The following TOX variants were observed in gnomAD, a reference collection of about 807,000 sequenced individuals.
TOX encodes thymocyte selection-associated high mobility group box protein TOX.
In TOX, 11 loss-of-function variants were observed where a neutral mutation model predicts 53.7. That is an observed-to-expected ratio of 0.20 (90% CI 0.13 to 0.34). The LOEUF (loss-of-function observed/expected upper bound fraction) is 0.34. Ranked by LOEUF, TOX falls within the 10% of genes least tolerant of loss-of-function variation. The pLI is 1.00. For synonymous variants in TOX, 225 were observed against 245.3 expected, an observed-to-expected ratio of 0.92 and a Z score of 0.77; for missense variants, 570 against 664.6, an observed-to-expected ratio of 0.86 and a Z score of 1.56.
At position 58,851,931 on chromosome 8, in the gene TOX, T is replaced by A. The variant is rs1810832609; in HGVS notation, c.412-126A>T. The stretch of plus-strand genomic sequence containing the variant: ...TTTCCAGATGTTCTGCTGAGTTACA[T>A]ACACATTTATTTTATCTGGGGTAAA... On this transcript the variant is annotated intron_variant, in intron 3 of 8. Transcript: ENST00000361421. This position sits in a 1 kb window ranked among gnomAD's most constrained non-coding sequence, Gnocchi z 4.4. 1.2e-6 allele frequency: 1 copy of A among 847,180 alleles called. No individual in the cohort carries two copies. The highest frequency in any genetic ancestry group is 1.5e-6 in the Non-Finnish European group (1 of 652,484). 52.5% of individuals were successfully genotyped at this position (847,180 alleles called of 1,614,324 possible).
intron 1 of TOX, among the ~76,000 whole-genome samples, chr8:59,064,012 AG>A: frequency 6.6e-6 from 1 of 152,264 alleles, no homozygotes; most frequent in East Asian, 1.9e-4. Context: ...AGAGAATAAA[AG>A]ACTTGGAAAT....
At chr8:58,828,077 A>G (rs1810393996) in intron 5 of TOX, among the ~76,000 whole-genome samples, 1 of 152,254 alleles carries the variant, frequency 6.6e-6, no homozygotes, top group Non-Finnish European at 1.5e-5. Flanking sequence ...TAGTCAGAGT[A>G]GTTAAATATA....
At chr8:59,062,361 G>A (rs910732913) in intron 1 of TOX, among the ~76,000 whole-genome samples, 29 of 152,196 alleles carry the variant, frequency 1.9e-4, no homozygotes, top group Non-Finnish European at 3.5e-4. Context: ...AAATGAATCC[G>A]CTTTAGAGCA....
At chr8:58,875,241 A>G (rs10110270) in intron 3 of TOX, among the ~76,000 whole-genome samples, 32,771 of 152,122 alleles carry the variant, frequency 0.22, 3,806 homozygotes, top group African/African-American at 0.29. Context: ...TTATTTTTTT[A>G]TAAAAATAAA....
chr8:58,972,305 C>T (rs1813016046), intron 1 of TOX, among the ~76,000 whole-genome samples: 1 of 152,108 alleles, frequency 6.6e-6, no homozygotes, highest in African/African-American at 2.4e-5. Context: ...TTAAAAACTA[C>T]CACACAAAAC....
intron 1 of TOX, among the ~76,000 whole-genome samples, chr8:59,025,170 T>C (rs572561359): frequency 9.9e-4 from 151 of 152,258 alleles, no homozygotes; most frequent in Non-Finnish European, 1.0e-3. Flanking sequence ...TCAGTACGCA[T>C]CTGCAAGATT....
chr8:58,914,843 G>C (rs956773831), intron 3 of TOX, among the ~76,000 whole-genome samples: 3 of 151,744 alleles, frequency 2.0e-5, no homozygotes, highest in Non-Finnish European at 4.4e-5. Flanking sequence ...CAGTGTGTGC[G>C]CGCACCGTGC....
chr8:58,982,916 G>A (rs938877370), intron 1 of TOX, among the ~76,000 whole-genome samples: 4 of 152,104 alleles, frequency 2.6e-5, no homozygotes, highest in Admixed American at 2.6e-4. Flanking sequence ...AATGTGCTCT[G>A]CATGCCCTGT....
chr8:58,985,730 T>A (rs1813316386), intron 1 of TOX, among the ~76,000 whole-genome samples: 1 of 152,242 alleles, frequency 6.6e-6, no homozygotes, highest in Non-Finnish European at 1.5e-5. Context: ...ATACATTTTC[T>A]GACAAATATC....
chr8:58,906,149 A>G (rs1811811027), intron 3 of TOX, among the ~76,000 whole-genome samples: 2 of 152,224 alleles, frequency 1.3e-5, no homozygotes, highest in South Asian at 4.1e-4. Context: ...TAAACAGAGA[A>G]AAATGAATTT....
At chr8:58,999,578 A>G (rs183941493) in intron 1 of TOX, among the ~76,000 whole-genome samples, 28 of 152,338 alleles carry the variant, frequency 1.8e-4, no homozygotes, top group Admixed American at 1.7e-3. Flanking sequence ...AATATGAAAT[A>G]TGAATTAAAT....
At position 59,118,975 on chromosome 8, in the gene TOX, A is replaced by G. The variant is rs750937981; in HGVS notation, c.13T>C (p.Phe5Leu). The G allele has an allele frequency of 1.1e-5, 18 of 1,603,114 alleles. No homozygotes were observed. Among genetic ancestry groups the G allele is most frequent in the Admixed American group, 1.7e-5 (1 of 59,320 alleles). Residue 5 changes from phenylalanine (F) to leucine (L), a missense_variant, in exon 1 of 9, where the codon TTT (phenylalanine) becomes CTT (leucine). Phe to Leu is a conservative substitution (Grantham distance 22, BLOSUM62 0). Coordinates refer to ENST00000361421, the MANE Select transcript of TOX (RefSeq NM_014729.3). This position sits in a 1 kb window ranked among gnomAD's most constrained non-coding sequence, Gnocchi z 4.1. MDVR[F>L]YPPPAQPAAA... ...GCGGGCTGGGCTGGAGGTGGATAAA[A>G]TCTTACGTCCATTTCACTCTCACAT... is the stretch of plus-strand genomic sequence containing the variant.
chr8:59,066,268 A>C (rs997104539), intron 1 of TOX, among the ~76,000 whole-genome samples: 1 of 152,340 alleles, frequency 6.6e-6, no homozygotes, highest in Middle Eastern at 3.4e-3. Context: ...TGAACAAATA[A>C]GTCACAGTTA....
At chr8:58,967,125 CG>C (rs1293039848) in intron 1 of TOX, among the ~76,000 whole-genome samples, 6 of 152,024 alleles carry the variant, frequency 3.9e-5, no homozygotes, top group Non-Finnish European at 8.8e-5. Context: ...CTGCCCTCCT[CG>C]GCCTCCCAAA....
intron 1 of TOX, among the ~76,000 whole-genome samples, chr8:59,078,940 C>T (rs1195583749): frequency 6.6e-6 from 1 of 152,186 alleles, no homozygotes; most frequent in African/African-American, 2.4e-5. Context: ...CAGCAAAGGT[C>T]CCATGTGGTA....
At chr8:59,101,065 T>C (rs936614658) in intron 1 of TOX, among the ~76,000 whole-genome samples, 1 of 152,152 alleles carries the variant, frequency 6.6e-6, no homozygotes, top group Non-Finnish European at 1.5e-5. Context: ...CTACTCTCGG[T>C]CATCTCATCT....
At chr8:58,970,948 C>T (rs1042942209) in intron 1 of TOX, among the ~76,000 whole-genome samples, 3 of 152,182 alleles carry the variant, frequency 2.0e-5, no homozygotes, top group Non-Finnish European at 2.9e-5. Flanking sequence ...TTTCTGTAAA[C>T]CAGATCCTAC....
chr8:58,943,841 C>A (rs1812483360), intron 2 of TOX, among the ~76,000 whole-genome samples: 1 of 152,168 alleles, frequency 6.6e-6, no homozygotes, highest in East Asian at 1.9e-4. Context: ...CCCTCTTCCC[C>A]AACCAATGCT....
At chr8:59,079,984 T>A (rs890048150) in intron 1 of TOX, among the ~76,000 whole-genome samples, 2 of 136,530 alleles carry the variant, frequency 1.5e-5, no homozygotes, top group Admixed American at 7.1e-5. Flanking sequence ...TGTTTTCTTT[T>A]CTTTTTTTTT....
Sources: gnomAD v4.1 joint callset for allele counts (sites outside exome capture counted in the v4.1 genomes callset) on GRCh38, gnomAD v4.1.1 for gene constraint, Gnocchi (gnomAD v3.1) non-coding constraint, MANE v1.5 for transcripts, NCBI Gene and HGNC (gene_info 2026-07-23, HGNC 2026-07-21) for gene names.